The following MAP7 variants were observed in gnomAD, a reference collection of about 807,000 sequenced individuals.
MAP7 encodes the protein ensconsin.
In MAP7, 52 loss-of-function variants were observed where a neutral mutation model predicts 94.8. That is an observed-to-expected ratio of 0.55 (90% CI 0.44 to 0.69). The LOEUF (loss-of-function observed/expected upper bound fraction) is 0.69, where lower values mean the gene tolerates loss of function less well. MAP7 is among the 30% of genes least tolerant of loss of function. The probability of loss-of-function intolerance (pLI) is 0.00; values close to 1 mark genes in which losing one functional copy is unlikely to be tolerated. For synonymous variants in MAP7, 350 were observed against 357.0 expected, an observed-to-expected ratio of 0.98 and a Z score of 0.22; for missense variants, 940 against 964.6, an observed-to-expected ratio of 0.97 and a Z score of 0.34.
intron 3 of MAP7, among the ~76,000 whole-genome samples, chr6:136,394,947 T>TATAC (rs1432364512): frequency 9.3e-6 from 1 of 107,116 alleles, no homozygotes; most frequent in African/African-American, 4.1e-5. Flanking sequence ...TATATATATA[T>TATAC]ATATATATAT....
chr6:136,372,864 A>G (rs1224867432), intron 7 of MAP7, among the ~76,000 whole-genome samples: 1 of 152,238 alleles, frequency 6.6e-6, no homozygotes, highest in Non-Finnish European at 1.5e-5. Context: ...TCCACGTAAA[A>G]AATCTGGAAT....
intron 1 of MAP7, among the ~76,000 whole-genome samples, chr6:136,529,665 T>G (rs1828313263): frequency 6.6e-6 from 1 of 152,196 alleles, no homozygotes. Context: ...AAATGGTAGA[T>G]TTTACAACTA....
chr6:136,526,210 C>G, intron 1 of MAP7: 1 of 1,234,148 alleles, frequency 8.1e-7, no homozygotes, highest in Non-Finnish European at 1.0e-6. Flanking sequence ...AGCCCCCTCC[C>G]ACTGACTCCC....
chr6:136,526,467 T>C (rs1394816530), intron 1 of MAP7: 5 of 985,868 alleles, frequency 5.1e-6, no homozygotes, highest in Admixed American at 6.1e-5. Flanking sequence ...GGGGAAAATA[T>C]GATATGCTGC....
chr6:136,428,143 A>G (rs1464964643), intron 1 of MAP7, among the ~76,000 whole-genome samples: 1 of 152,196 alleles, frequency 6.6e-6, no homozygotes, highest in East Asian at 1.9e-4. Flanking sequence ...CTTTGTTAAT[A>G]ATTTATATTG....
At chr6:136,456,699 A>AAGAGG (rs1802994624) in intron 1 of MAP7, among the ~76,000 whole-genome samples, 5 of 147,506 alleles carry the variant, frequency 3.4e-5, no homozygotes, top group Non-Finnish European at 6.0e-5. Context: ...AAGAAGAAAG[A>AAGAGG]AGAAGAAAGA....
At chr6:136,482,454 A>C (rs1813149049) in intron 1 of MAP7, among the ~76,000 whole-genome samples, 1 of 152,108 alleles carries the variant, frequency 6.6e-6, no homozygotes, top group Non-Finnish European at 1.5e-5. Context: ...CAAAAATATT[A>C]GCTGGGTGTG....
intron 1 of MAP7, among the ~76,000 whole-genome samples, chr6:136,429,318 C>T (rs899288646): frequency 5.3e-5 from 8 of 152,132 alleles, no homozygotes; most frequent in African/African-American, 1.4e-4. Flanking sequence ...GAATACAGGT[C>T]GAGCATCACT....
chr6:136,403,826 T>A (rs1784833626), intron 3 of MAP7, among the ~76,000 whole-genome samples: 1 of 152,232 alleles, frequency 6.6e-6, no homozygotes, highest in Non-Finnish European at 1.5e-5. Context: ...GCCTGACTCA[T>A]GATACAGCTG....
At chr6:136,356,815 A>G (rs756178200) in intron 15 of MAP7, 21 bp from the exon 16 acceptor site, 1 of 1,577,182 alleles carries the variant, frequency 6.3e-7, no homozygotes, top group Non-Finnish European at 8.7e-7. Context: ...TAAAGGAGAC[A>G]GAACACAGGG....
chr6:136,518,485 G>A (rs1290340773), intron 1 of MAP7, among the ~76,000 whole-genome samples: 2 of 152,132 alleles, frequency 1.3e-5, no homozygotes, highest in Admixed American at 6.5e-5. Flanking sequence ...TTTGGGCCTC[G>A]GCATCTGGGT....
chr6:136,468,900 T>C (rs1033614206), intron 1 of MAP7, among the ~76,000 whole-genome samples: 2 of 152,046 alleles, frequency 1.3e-5, no homozygotes, highest in African/African-American at 4.8e-5. Context: ...AAATGACTGG[T>C]ACCACAAGGA....
At chr6:136,516,388 G>A (rs1824841101) in intron 1 of MAP7, among the ~76,000 whole-genome samples, 1 of 152,006 alleles carries the variant, frequency 6.6e-6, no homozygotes, top group Admixed American at 6.6e-5. Context: ...GAACTCCTGG[G>A]CTCAAATGAT....
At chr6:136,447,700 C>T (rs1303512947) in intron 1 of MAP7, among the ~76,000 whole-genome samples, 4 of 152,008 alleles carry the variant, frequency 2.6e-5, no homozygotes, top group Admixed American at 2.6e-4. Context: ...TGTCAAGAAC[C>T]TGGTAAAGTT....
intron 1 of MAP7, among the ~76,000 whole-genome samples, chr6:136,465,285 T>C (rs138629756): frequency 1.7e-3 from 255 of 152,336 alleles, no homozygotes; most frequent in African/African-American, 5.8e-3. Flanking sequence ...ATCTGGATTT[T>C]TAAAAAATTC....
intron 1 of MAP7, among the ~76,000 whole-genome samples, chr6:136,456,770 A>AGGAGGAGGAGGAG (rs1464535719): frequency 8.1e-5 from 4 of 49,372 alleles, no homozygotes; most frequent in African/African-American, 4.0e-4. Context: ...AGGAGGAGGA[A>AGGAGGAGGAGGAG]GAAGAAGAAG....
chr6:136,465,728 A>C (rs1389152683), intron 1 of MAP7, among the ~76,000 whole-genome samples: 1 of 152,198 alleles, frequency 6.6e-6, no homozygotes, highest in Non-Finnish European at 1.5e-5. Flanking sequence ...GATATTTCTA[A>C]TATGCTGCCC....
chr6:136,351,649 T>C (rs1284358776), intron 16 of MAP7, among the ~76,000 whole-genome samples: 1 of 152,236 alleles, frequency 6.6e-6, no homozygotes, highest in Non-Finnish European at 1.5e-5. Context: ...GAAGAATCTC[T>C]GAAGAAATAT....
In MAP7 at chr6:136,374,970, T is replaced by A. The variant is rs781185899; in HGVS notation, c.752-2345A>T. Among the ~76,000 whole-genome samples the A allele has an allele frequency of 8.7e-4, 132 of 152,246 alleles. 2 individuals are homozygous for A. The Middle Eastern group carries it at 0.017, about 20-fold the overall frequency. ...GAGTACACTTCATATCCCAAATAGTTAATTAAACATGAACACTGTCTCACG... is the reference window on the plus strand; with the variant it reads ...GAGTACACTTCATATCCCAAATAGTAAATTAAACATGAACACTGTCTCACG... On this transcript the variant is annotated intron_variant, in intron 7 of 17. Coordinates refer to ENST00000354570, the MANE Select transcript of MAP7 (RefSeq NM_003980.6).
Sources: allele counts gnomAD v4.1 joint callset (sites outside exome capture counted in the v4.1 genomes callset), GRCh38; gene constraint gnomAD v4.1.1; transcripts MANE v1.5; gene names NCBI Gene and HGNC (gene_info 2026-07-23, HGNC 2026-07-21).